The following IL1RAPL2 variants were observed in gnomAD, a reference collection of about 807,000 sequenced individuals.
IL1RAPL2 encodes X-linked interleukin-1 receptor accessory protein-like 2.
In IL1RAPL2, 3 loss-of-function variants were observed where a neutral mutation model predicts 44.1. That is an observed-to-expected ratio of 0.07 (90% CI 0.03 to 0.18). IL1RAPL2 has a LOEUF of 0.18. IL1RAPL2 is among the 10% of genes least tolerant of loss of function. The probability of loss-of-function intolerance (pLI) is 1.00; values close to 1 mark genes in which losing one functional copy is unlikely to be tolerated. For missense variants in IL1RAPL2, 391 were observed against 496.4 expected (o/e 0.79, Z 2.02); for synonymous variants, 181 against 178.8 (o/e 1.01, Z -0.10).
At chrX:105,658,833 G>A (rs189282952) in intron 6 of IL1RAPL2, among the ~76,000 whole-genome samples, 3,175 of 108,651 alleles carry the variant, frequency 0.029, 47 homozygotes, top group Middle Eastern at 0.048. Context: ...ATGGTGGCAC[G>A]TGCCTTTAGT....
intron 1 of IL1RAPL2, among the ~76,000 whole-genome samples, chrX:104,626,112 C>T (rs146183882): frequency 0.027 from 2,946 of 111,092 alleles, 48 homozygotes; most frequent in Non-Finnish European, 0.041. Flanking sequence ...CTCATGCTTA[C>T]TATAATTATG....
At chrX:105,421,314 C>T (rs948028443) in intron 5 of IL1RAPL2, among the ~76,000 whole-genome samples, 2 of 111,384 alleles carry the variant, frequency 1.8e-5, no homozygotes, top group African/African-American at 6.5e-5. Context: ...GCATTTGTCT[C>T]AGTGAGCAGA....
chrX:105,446,680 A>G (rs1264150373), intron 5 of IL1RAPL2, among the ~76,000 whole-genome samples: 1 of 110,797 alleles, frequency 9.0e-6, no homozygotes, highest in Non-Finnish European at 1.9e-5. Flanking sequence ...ATGCAGGAAA[A>G]TTAATAAGAA....
Position 104,585,219 on chromosome X carries a change from TG to T in IL1RAPL2, c.-20+18169del, listed in dbSNP as rs774286874. Reference sequence around the variant, plus strand: ...TATATGTATTATATATACACATATATGTATATATGTGTATATATATAATATA... The same window carrying T: ...TATATGTATTATATATACACATATATTATATATGTGTATATATATAATATA... On this transcript the variant is annotated intron_variant, in intron 1 of 10. Transcript: ENST00000372582. 1.7e-3 allele frequency among the ~76,000 whole-genome samples: 92 copies of T among 55,019 alleles called. No homozygotes were observed. In the East Asian group the frequency reaches 0.036, roughly 22 times the overall value. The allele number at this position is 55,019 out of a possible 115,157, so 47.8% of individuals were successfully genotyped here.
chrX:105,256,250 A>G (rs917193401), intron 4 of IL1RAPL2, among the ~76,000 whole-genome samples: 3 of 110,982 alleles, frequency 2.7e-5, no homozygotes, highest in African/African-American at 9.8e-5. Flanking sequence ...TGTCTGGTAG[A>G]ATTTCGCTAT....
chrX:104,705,135 C>A (rs1279065718), intron 2 of IL1RAPL2, among the ~76,000 whole-genome samples: 1 of 111,747 alleles, frequency 8.9e-6, no homozygotes, highest in Non-Finnish European at 1.9e-5. Flanking sequence ...AGTCAGCCAT[C>A]TTACATTCAT....
At chrX:104,919,601 G>A (rs1346966739) in intron 2 of IL1RAPL2, among the ~76,000 whole-genome samples, 2 of 103,928 alleles carry the variant, frequency 1.9e-5, no homozygotes, top group Non-Finnish European at 3.9e-5. Context: ...TGCGATCTTG[G>A]CTCACTGCAA....
intron 5 of IL1RAPL2, among the ~76,000 whole-genome samples, chrX:105,283,908 G>A (rs1174083959): frequency 9.0e-6 from 1 of 111,253 alleles, no homozygotes; most frequent in African/African-American, 3.3e-5. Context: ...CTCCAGAATT[G>A]TGAACAGTAT....
chrX:105,089,059 C>T (rs1000394472), intron 2 of IL1RAPL2, among the ~76,000 whole-genome samples: 16 of 111,261 alleles, frequency 1.4e-4, no homozygotes, highest in African/African-American at 3.9e-4. Flanking sequence ...AATTACATAC[C>T]ATTCACTCTA....
rs782388817 is a variant in IL1RAPL2, at chrX:105,228,354, T to C, written c.357-5464T>C. Among the ~76,000 whole-genome samples the C allele has an allele frequency of 5.3e-5, 6 of 112,150 alleles. No homozygotes were observed. The South Asian group carries it at 1.9e-3, about 35-fold the overall frequency. ...AGATCCCTAATTTATTTAGATTATT[T>C]TCACCAGCTTAGTCCTGGTGATACG... On this transcript the variant is annotated intron_variant, in intron 3 of 10. Transcript: ENST00000372582.
chrX:105,665,793 C>T (rs1250181887), intron 6 of IL1RAPL2, among the ~76,000 whole-genome samples: 1 of 98,714 alleles, frequency 1.0e-5, no homozygotes, highest in East Asian at 3.0e-4. Context: ...GATGGAGTCT[C>T]GCTCTGTCGC....
chrX:105,728,253 G>A (rs1007102211), intron 7 of IL1RAPL2, among the ~76,000 whole-genome samples: 2 of 111,474 alleles, frequency 1.8e-5, no homozygotes, highest in African/African-American at 3.3e-5. Context: ...TGCCTTCTCC[G>A]AAATTTCAAT....
chrX:105,305,993 C>T (rs1230934756), intron 5 of IL1RAPL2, among the ~76,000 whole-genome samples: 2 of 109,200 alleles, frequency 1.8e-5, no homozygotes, highest in African/African-American at 6.9e-5. Flanking sequence ...TATTATTATG[C>T]AGGTTCAATT....
At chrX:104,823,451 A>G (rs1246376371) in intron 2 of IL1RAPL2, among the ~76,000 whole-genome samples, 2 of 110,150 alleles carry the variant, frequency 1.8e-5, no homozygotes, top group African/African-American at 3.3e-5. Context: ...ATGGCTGCAT[A>G]GTATTCCATG....
At chrX:105,355,160 A>T (rs187236094) in intron 5 of IL1RAPL2, among the ~76,000 whole-genome samples, 1 of 111,506 alleles carries the variant, frequency 9.0e-6, no homozygotes, top group African/African-American at 3.3e-5. Context: ...CTCCTTGTAA[A>T]ATCCTTTGGT....
chrX:105,396,741 T>C (rs978433841), intron 5 of IL1RAPL2, among the ~76,000 whole-genome samples: 1 of 107,924 alleles, frequency 9.3e-6, no homozygotes, highest in African/African-American at 3.4e-5. Flanking sequence ...AACCAGAAAA[T>C]TGATATCATG....
chrX:105,036,791 A>G (rs1400538056), intron 2 of IL1RAPL2, among the ~76,000 whole-genome samples: 1 of 112,100 alleles, frequency 8.9e-6, no homozygotes, highest in East Asian at 2.8e-4. Context: ...ATGCACAAAA[A>G]TTAGCCATGA....
intron 2 of IL1RAPL2, among the ~76,000 whole-genome samples, chrX:105,014,893 C>G (rs941636941): frequency 5.4e-5 from 6 of 111,862 alleles, no homozygotes; most frequent in Middle Eastern, 4.2e-3. Context: ...TTGCCACACT[C>G]TCTTCCACAA....
intron 5 of IL1RAPL2, among the ~76,000 whole-genome samples, chrX:105,366,314 C>T (rs929743185): frequency 2.7e-4 from 30 of 110,792 alleles, no homozygotes; most frequent in African/African-American, 9.8e-4. Context: ...TTTTCAAAAA[C>T]ACAACTTTTA....
Sources: gnomAD v4.1 joint callset for allele counts (sites outside exome capture counted in the v4.1 genomes callset) on GRCh38, gnomAD v4.1.1 for gene constraint, MANE v1.5 for transcripts, NCBI Gene and HGNC (gene_info 2026-07-23, HGNC 2026-07-21) for gene names.